The following AGBL1 variants were observed in gnomAD, a reference collection of about 807,000 sequenced individuals.
The protein encoded by AGBL1 is AGBL carboxypeptidase 1.
AGBL1 carries 130 observed loss-of-function variants against 118.9 expected under a neutral mutation model. The observed-to-expected ratio is 1.09, with a 90% CI of 0.95 to 1.26. AGBL1 has a LOEUF of 1.26. AGBL1 is among the 50% of genes most tolerant of loss of function. The pLI is 0.00. For missense variants in AGBL1, 1,584 were observed against 1,298.1 expected, an observed-to-expected ratio of 1.22 and a Z score of -3.38; for synonymous variants, 555 against 478.9, an observed-to-expected ratio of 1.16 and a Z score of -2.08.
At chr15:86,209,481 T>C (rs946244464) in intron 5 of AGBL1, among the ~76,000 whole-genome samples, 5 of 152,232 alleles carry the variant, frequency 3.3e-5, no homozygotes, top group African/African-American at 1.2e-4. Context: ...GAGGACTTGC[T>C]TTATGAATCT....
At chr15:86,935,659 G>A (rs11638779) in intron 23 of AGBL1, among the ~76,000 whole-genome samples, 21,829 of 152,170 alleles carry the variant, frequency 0.14, 1,906 homozygotes, top group African/African-American at 0.25. Context: ...TGATAAGAGA[G>A]TTTATGGAAA....
At chr15:86,943,066 A>G (rs994090372) in intron 23 of AGBL1, among the ~76,000 whole-genome samples, 1 of 152,194 alleles carries the variant, frequency 6.6e-6, no homozygotes, top group Non-Finnish European at 1.5e-5. Context: ...TACTTTTGGA[A>G]CCAAGATTCC....
intron 17 of AGBL1, among the ~76,000 whole-genome samples, chr15:86,330,530 G>T (rs1432714407): frequency 6.6e-6 from 1 of 152,204 alleles, no homozygotes; most frequent in Non-Finnish European, 1.5e-5. Flanking sequence ...AGCATCCCCA[G>T]ATGAGAAGGA....
At chr15:86,662,184 T>G (rs2085554963) in intron 21 of AGBL1, among the ~76,000 whole-genome samples, 1 of 152,250 alleles carries the variant, frequency 6.6e-6, no homozygotes, top group Admixed American at 6.5e-5. Flanking sequence ...CATGTAAATG[T>G]GCATACACAC....
chr15:86,580,117 G>A (rs1482163259), intron 21 of AGBL1, among the ~76,000 whole-genome samples: 2 of 152,160 alleles, frequency 1.3e-5, no homozygotes, highest in African/African-American at 4.8e-5. Context: ...ACCATTAATG[G>A]AAGAGAATGT....
At chr15:86,133,277 C>A (rs1447453471) in intron 1 of AGBL1, among the ~76,000 whole-genome samples, 7 of 152,208 alleles carry the variant, frequency 4.6e-5, no homozygotes, top group Admixed American at 2.6e-4. Context: ...ACTTTGCATA[C>A]TAGCCTCTTT....
At chr15:86,918,748 G>A (rs542865939), downstream of AGBL1, among the ~76,000 whole-genome samples, 28 of 152,272 alleles carry the variant, frequency 1.8e-4, no homozygotes, top group Non-Finnish European at 2.2e-4. Context: ...TGGGAAATAC[G>A]TGAAGCACAC....
intron 3 of AGBL1, among the ~76,000 whole-genome samples, chr15:86,151,734 T>C (rs2077114094): frequency 6.6e-6 from 1 of 152,146 alleles, no homozygotes; most frequent in Non-Finnish European, 1.5e-5. Flanking sequence ...GGAAGTCAAA[T>C]TGTCCCTGTT....
chr15:86,275,181 G>A (rs1276660592), intron 15 of AGBL1, among the ~76,000 whole-genome samples: 1 of 152,214 alleles, frequency 6.6e-6, no homozygotes, highest in Non-Finnish European at 1.5e-5. Context: ...CTGAAGGGCA[G>A]AGGGAGGGAA....
At chr15:86,629,255 A>G (rs2084931241) in intron 21 of AGBL1, among the ~76,000 whole-genome samples, 1 of 152,128 alleles carries the variant, frequency 6.6e-6, no homozygotes, top group Non-Finnish European at 1.5e-5. Flanking sequence ...TTGAGAAAGT[A>G]ACAGGAAGGA....
chr15:86,454,972 C>G (rs1001076238), intron 18 of AGBL1, among the ~76,000 whole-genome samples: 4 of 152,096 alleles, frequency 2.6e-5, no homozygotes, highest in African/African-American at 7.2e-5. Context: ...CTTCAGTGGT[C>G]AAGCCGTCTG....
intron 22 of AGBL1, among the ~76,000 whole-genome samples, chr15:86,813,635 C>T (rs2078822082): frequency 6.6e-6 from 1 of 152,102 alleles, no homozygotes; most frequent in Non-Finnish European, 1.5e-5. Flanking sequence ...ACCTGGCTCT[C>T]ATTTCTCGTG....
Position 86,522,948 on chromosome 15 carries a change from C to T in AGBL1, c.2685+9C>T, listed in dbSNP as rs765323227. On this transcript the variant is annotated intron_variant, in intron 19 of 22. Transcript: ENST00000614907. ...TTGGCCGAAGTCCCGTGGTGAGTCA[C>T]TTCCTTCTGCCTCCACCTTCCTGGC... 6 of 1,613,176 alleles carry T rather than the reference C, an allele frequency of 3.7e-6. No homozygotes were observed. The African/African-American group carries it at 8.0e-5, about 22-fold the overall frequency.
chr15:86,756,208 A>G (rs959272307), intron 22 of AGBL1, among the ~76,000 whole-genome samples: 13 of 150,038 alleles, frequency 8.7e-5, no homozygotes, highest in Admixed American at 3.3e-4. Flanking sequence ...ACAGAAAAAG[A>G]TAAGTCCCCA....
intron 21 of AGBL1, chr15:86,631,195 G>A (rs910679634): frequency 2.0e-5 from 3 of 152,272 alleles, no homozygotes; most frequent in African/African-American, 7.2e-5. Flanking sequence ...GACCAGGCCT[G>A]AGAAGGGAGG....
intron 22 of AGBL1, among the ~76,000 whole-genome samples, chr15:86,830,114 A>G (rs2079083583): frequency 6.6e-6 from 1 of 152,146 alleles, no homozygotes; most frequent in Non-Finnish European, 1.5e-5. Flanking sequence ...TATATTATTA[A>G]TGTATTTTTA....
At chr15:86,606,665 CT>C (rs2084581987) in intron 21 of AGBL1, among the ~76,000 whole-genome samples, 1 of 152,084 alleles carries the variant, frequency 6.6e-6, no homozygotes, top group Non-Finnish European at 1.5e-5. Flanking sequence ...AATTAACAGG[CT>C]TTTTTGGGAG....
chr15:86,660,816 G>A (rs898770359), intron 21 of AGBL1, among the ~76,000 whole-genome samples: 4 of 152,064 alleles, frequency 2.6e-5, no homozygotes, highest in Non-Finnish European at 5.9e-5. Context: ...AGACTCTAAT[G>A]TATATTAGCC....
rs1286724984 is a variant in AGBL1, at chr15:86,142,009, C to T, written c.57C>T (p.Ser19=). The change falls in exon 2 of 23, where the codon TCC becomes TCT. Residue 19 remains serine, a synonymous_variant. Transcript: ENST00000614907. ...LQVLLHTLQS[S]SDKESILTIL... ...TGCCTGTGTTCTCATTGCAGAGCTC[C>T]TCTGACAAGGAGTCCATCCTGACCA... 1.3e-6 allele frequency: 2 copies of T among 1,549,952 alleles called. No homozygotes were observed. The highest frequency in any genetic ancestry group is 2.0e-5 in the Admixed American group (1 of 50,934).
Sources: gnomAD v4.1 joint callset for allele counts (sites outside exome capture counted in the v4.1 genomes callset) on GRCh38, gnomAD v4.1.1 for gene constraint, MANE v1.5 for transcripts, NCBI Gene and HGNC (gene_info 2026-07-23, HGNC 2026-07-21) for gene names.